The following SHOX variants were observed in gnomAD, a reference collection of about 807,000 sequenced individuals.
SHOX encodes short stature homeobox protein.
In SHOX, 12 loss-of-function variants were observed where a neutral mutation model predicts 29.6. The observed-to-expected ratio is 0.41, with a 90% CI of 0.26 to 0.66. The LOEUF (loss-of-function observed/expected upper bound fraction) is 0.66. Among genes scored for constraint, SHOX ranks in the 30% least tolerant of loss-of-function variants. The pLI is 0.35. For synonymous variants in SHOX, 214 were observed against 200.6 expected (o/e 1.07, Z -0.57); for missense variants, 499 against 437.7 (o/e 1.14, Z -1.25).
upstream of SHOX, among the ~76,000 whole-genome samples, chrX:630,030 C>A (rs536528666): frequency 6.6e-6 from 1 of 152,088 alleles, no homozygotes; most frequent in Non-Finnish European, 1.5e-5. Flanking sequence ...CTGGCGCGGG[C>A]GGAAAGAATA....
At position 631,988 on chromosome X, in the gene SHOX, G is replaced by A. The variant is rs188369026; in HGVS notation, c.277+814G>A. On this transcript the variant is annotated intron_variant, in intron 1 of 4. Coordinates refer to ENST00000686671, the MANE Select transcript of SHOX (RefSeq NM_000451.4). ...TCACGGGAAGACTCGAGGCTGCGTG[G>A]TAGGAGACGGGAAGGCCCCGGGTCA... 3.1e-5 allele frequency: 14 copies of A among 456,098 alleles called. No homozygotes were observed. The East Asian group carries it at 9.7e-4, about 32-fold the overall frequency. The allele number at this position is 456,098 out of a possible 1,614,324, so 28.3% of individuals were successfully genotyped here.
chrX:629,609 C>G (rs2052612159), upstream of SHOX, among the ~76,000 whole-genome samples: 1 of 152,084 alleles, frequency 6.6e-6, no homozygotes, highest in Admixed American at 6.5e-5. Context: ...TACACACACC[C>G]CAACCCACCG....
intron 2 of SHOX, among the ~76,000 whole-genome samples, chrX:638,998 G>A (rs1479604289): frequency 6.6e-6 from 1 of 152,170 alleles, no homozygotes; most frequent in Non-Finnish European, 1.5e-5. Flanking sequence ...GGGGAGAGGA[G>A]GGGGTGGTGT....
At chrX:637,276 C>T (rs767331221) in intron 2 of SHOX, among the ~76,000 whole-genome samples, 3 of 152,134 alleles carry the variant, frequency 2.0e-5, no homozygotes, top group Admixed American at 6.5e-5. Context: ...ATTAAAGTTT[C>T]GCTAAAGGGG....
Position 644,961 on chromosome X carries a change from C to A in SHOX, c.*325C>A. ...TGGCTGCGTCTTCCTCTGCTATACC[C>A]TATGCATGCGGTTAACTACACACGT... On this transcript the variant is annotated 3_prime_UTR_variant, in exon 5 of 5. Coordinates refer to ENST00000686671, the MANE Select transcript of SHOX (RefSeq NM_000451.4). The A allele has an allele frequency of 2.8e-6, 1 of 360,574 alleles. No individual in the cohort carries two copies. The highest frequency in any genetic ancestry group is 2.1e-5 in the African/African-American group (1 of 46,948). The allele number at this position is 360,574 out of a possible 1,614,324, so 22.3% of individuals were successfully genotyped here. A position where few individuals can be genotyped will look rare whatever the true frequency, so the allele number is the denominator to read the frequency against.
At chrX:633,605 G>A (rs2124161568) in intron 1 of SHOX, among the ~76,000 whole-genome samples, 1 of 152,162 alleles carries the variant, frequency 6.6e-6, no homozygotes, top group East Asian at 1.9e-4. Context: ...TGGTTGCAGC[G>A]GCCTTGCCTG....
chrX:655,644 A>C (rs2053136858), downstream of SHOX, among the ~76,000 whole-genome samples: 2 of 103,562 alleles, frequency 1.9e-5, no homozygotes, highest in East Asian at 2.6e-4. Flanking sequence ...ATATATATAT[A>C]TATATATATA....
intron 1 of SHOX, among the ~76,000 whole-genome samples, chrX:633,901 C>T (rs1017078925): frequency 3.3e-5 from 5 of 152,146 alleles, no homozygotes; most frequent in Non-Finnish European, 5.9e-5. Flanking sequence ...GAGTCTTCTG[C>T]CCTTCTGACT....
Position 630,811 on chromosome X carries a change from T to C in SHOX, c.-87T>C, listed in dbSNP as rs1283915984. The C allele has an allele frequency of 1.6e-5, 24 of 1,509,898 alleles. No homozygotes were observed. Among genetic ancestry groups the C allele is most frequent in the Non-Finnish European group, 2.2e-5 (24 of 1,091,422 alleles). 93.5% of individuals were successfully genotyped at this position (1,509,898 alleles called of 1,614,324 possible). A position where few individuals can be genotyped will look rare whatever the true frequency, so the allele number is the denominator to read the frequency against. The stretch of plus-strand genomic sequence containing the variant: ...AAGGCGTAAATAACAGCGCTGGTGA[T>C]CCACCCGCGCGCACGGGCCGTCCTC... On this transcript the variant is annotated 5_prime_UTR_variant, in exon 1 of 5. Coordinates refer to ENST00000686671, the MANE Select transcript of SHOX (RefSeq NM_000451.4).
chrX:624,931 T>TCTCTTCCTTTCTTTCTTTCTTTTC (rs1556451857), intron 1 of SHOX, among the ~76,000 whole-genome samples: 3 of 60,722 alleles, frequency 4.9e-5, no homozygotes, highest in African/African-American at 1.7e-4. Flanking sequence ...TCTTTCTTTC[T>TCTCTTCCTTTCTTTCTTTCTTTTC]TTTCTTTCTT....
chrX:633,801 C>A (rs759126026), intron 1 of SHOX, among the ~76,000 whole-genome samples: 2 of 152,028 alleles, frequency 1.3e-5, no homozygotes, highest in African/African-American at 4.8e-5. Flanking sequence ...GAGGGAGACA[C>A]CTTTTACTTA....
upstream of SHOX, among the ~76,000 whole-genome samples, chrX:626,447 C>G (rs1358884776): frequency 1.0e-4 from 13 of 126,358 alleles, no homozygotes; most frequent in Admixed American, 5.8e-4. Flanking sequence ...CTCTCTTTTT[C>G]TCTTTCTCTG....
chrX:645,388 G>GTTTTTTTTT lies in SHOX; in HGVS notation c.*753_*754insTTTTTTTTT, dbSNP rs1398738646. ...TTGGGTCTGGTTTTGTTTTGGATTG[G>GTTTTTTTTT]TATTTTTTTTTTTTTTTTTTTTTTT... On this transcript the variant is annotated 3_prime_UTR_variant, in exon 5 of 5. Transcript: ENST00000686671. 3.1e-4 allele frequency: 24 copies of GTTTTTTTTT among 77,756 alleles called. 6 individuals carry two copies. The highest frequency in any genetic ancestry group is 8.6e-4 in the African/African-American group (21 of 24,366). 4.8% of individuals were successfully genotyped at this position (77,756 alleles called of 1,614,324 possible).
At chrX:626,479 CTCTT>C (rs1569492159), upstream of SHOX, among the ~76,000 whole-genome samples, 17 of 137,234 alleles carry the variant, frequency 1.2e-4, no homozygotes, top group Admixed American at 1.2e-3. Flanking sequence ...ATCTCTGTCT[CTCTT>C]TCTCTCTCTC....
chrX:627,693 C>T (rs189821368), upstream of SHOX, among the ~76,000 whole-genome samples: 527 of 152,262 alleles, frequency 3.5e-3, 1 homozygote, highest in African/African-American at 0.012. Flanking sequence ...GACTGGTGTC[C>T]CCATGCTCAT....
At chrX:624,838 C>A (rs963333432) in intron 1 of SHOX, among the ~76,000 whole-genome samples, 7 of 143,872 alleles carry the variant, frequency 4.9e-5, no homozygotes, top group African/African-American at 1.3e-4. Context: ...TTCCTTCCTT[C>A]CTTCCTCTCT....
chrX:638,379 G>A (rs2052793504), intron 2 of SHOX, among the ~76,000 whole-genome samples: 1 of 152,034 alleles, frequency 6.6e-6, no homozygotes, highest in African/African-American at 2.4e-5. Context: ...TGCTTTCTGG[G>A]CCCTGGAGGA....
rs1274781061 is a variant in SHOX, at chrX:631,015, G to C, written c.118G>C (p.Glu40Gln). 2.5e-6 allele frequency: 4 copies of C among 1,613,864 alleles called. No individual in the cohort carries two copies. In the East Asian group the frequency reaches 6.7e-5, roughly 27 times the overall value. ...TTCCATTACGTACCGGGAAGTTTTG[G>C]AGAGCGGACTGGCGCGCTCCCGGGA... Reference protein sequence around the residue: ...KDSITYREVLESGLARSRELG... With the variant: ...KDSITYREVLQSGLARSRELG... Residue 40 changes from glutamate to glutamine, a missense_variant, in exon 1 of 5, where the codon GAG becomes CAG. Glu to Gln is a conservative substitution (Grantham distance 29). Transcript: ENST00000686671.
At chrX:658,624 C>T (rs28613589) in intron 5 of SHOX, among the ~76,000 whole-genome samples, 7,671 of 151,752 alleles carry the variant, frequency 0.051, 608 homozygotes, top group African/African-American at 0.18. Flanking sequence ...GCGCCCGCCA[C>T]CGCGCCCGGC....
Sources: gnomAD v4.1 joint callset for allele counts (sites outside exome capture counted in the v4.1 genomes callset) on GRCh38, gnomAD v4.1.1 for gene constraint, MANE v1.5 for transcripts, NCBI Gene and HGNC (gene_info 2026-07-23, HGNC 2026-07-21) for gene names.